The following PSMA1 variants were observed in gnomAD, a reference collection of about 807,000 sequenced individuals.
PSMA1 encodes proteasome subunit alpha type-1.
PSMA1 carries 3 observed loss-of-function variants against 38.4 expected under a neutral mutation model. The ratio of observed to expected loss-of-function variants is 0.08; its 90% confidence interval spans 0.04 to 0.20. The LOEUF is 0.20. PSMA1 is among the 10% of genes least tolerant of loss of function. PSMA1 has a pLI of 1.00. For missense variants in PSMA1, 227 were observed against 325.3 expected, an observed-to-expected ratio of 0.70 and a Z score of 2.32; for synonymous variants, 101 against 107.1, an observed-to-expected ratio of 0.94 and a Z score of 0.35.
upstream of PSMA1, among the ~76,000 whole-genome samples, chr11:14,520,925 T>C (rs1208269078): frequency 6.6e-6 from 1 of 152,256 alleles, no homozygotes; most frequent in Non-Finnish European, 1.5e-5. Context: ...CTGGAGATGT[T>C]ATCTTTCAAG....
intron 1 of PSMA1, among the ~76,000 whole-genome samples, chr11:14,623,219 C>G (rs1004174559): frequency 1.3e-5 from 2 of 152,216 alleles, no homozygotes; most frequent in Non-Finnish European, 2.9e-5. Flanking sequence ...CCTTCCCTAG[C>G]TTGTTCCTAT....
chr11:14,581,002 A>C (rs1342052016), intron 2 of PSMA1, among the ~76,000 whole-genome samples: 2 of 152,208 alleles, frequency 1.3e-5, no homozygotes, highest in African/African-American at 4.8e-5. Context: ...TGTCATACTG[A>C]CACCAGGGAG....
At chr11:14,568,137 A>G (rs896462685) in intron 2 of PSMA1, among the ~76,000 whole-genome samples, 1 of 152,234 alleles carries the variant, frequency 6.6e-6, no homozygotes, top group African/African-American at 2.4e-5. Flanking sequence ...TAGAATATTA[A>G]CTACCATAAA....
chr11:14,642,566 T>C (rs963871735), intron 1 of PSMA1, among the ~76,000 whole-genome samples: 2 of 152,198 alleles, frequency 1.3e-5, no homozygotes, highest in Non-Finnish European at 2.9e-5. Flanking sequence ...CAGAGATTAA[T>C]TGGTGAAAAA....
intron 1 of PSMA1, among the ~76,000 whole-genome samples, chr11:14,632,393 C>T (rs1451849900): frequency 6.9e-6 from 1 of 145,778 alleles, no homozygotes; most frequent in Non-Finnish European, 1.5e-5. Context: ...ATTTGCTTGT[C>T]TGTAAAGTAT....
chr11:14,564,586 A>G (rs941034814), intron 2 of PSMA1, among the ~76,000 whole-genome samples: 1 of 152,126 alleles, frequency 6.6e-6, no homozygotes, highest in Non-Finnish European at 1.5e-5. Flanking sequence ...GTTGTATGGT[A>G]GTCACATGTT....
At chr11:14,531,905 T>C (rs1280196269) in intron 2 of PSMA1, among the ~76,000 whole-genome samples, 1 of 152,176 alleles carries the variant, frequency 6.6e-6, no homozygotes, top group Non-Finnish European at 1.5e-5. Flanking sequence ...GAAAGAGATA[T>C]CAGATTATGT....
chr11:14,619,291 T>TA (rs201107599), intron 1 of PSMA1, among the ~76,000 whole-genome samples: 1,603 of 151,714 alleles, frequency 0.011, 16 homozygotes, highest in Admixed American at 0.015. Flanking sequence ...TCTACAAAAA[T>TA]AAAAAAAATT....
At chr11:14,620,147 G>C (rs1184910629) in intron 1 of PSMA1, among the ~76,000 whole-genome samples, 1 of 152,022 alleles carries the variant, frequency 6.6e-6, no homozygotes, top group Non-Finnish European at 1.5e-5. Flanking sequence ...CTCTACCTGA[G>C]TTCTTTTTAA....
intron 1 of PSMA1, among the ~76,000 whole-genome samples, chr11:14,631,531 T>A (rs569414198): frequency 6.6e-6 from 1 of 152,114 alleles, no homozygotes; most frequent in Admixed American, 6.6e-5. Context: ...GTCTGAGAGA[T>A]AGTTTGCTAT....
intron 1 of PSMA1, among the ~76,000 whole-genome samples, chr11:14,624,434 G>A (rs972969919): frequency 2.6e-5 from 4 of 152,130 alleles, no homozygotes; most frequent in Non-Finnish European, 2.9e-5. Flanking sequence ...AATGGCCATC[G>A]ATGGGTGTAA....
chr11:14,600,258 G>A (rs2134193391), intron 2 of PSMA1, among the ~76,000 whole-genome samples: 1 of 152,328 alleles, frequency 6.6e-6, no homozygotes, highest in South Asian at 2.1e-4. Flanking sequence ...GCTATGCTGG[G>A]AGAACCACTG....
upstream of PSMA1, chr11:14,520,718 G>C (rs989571658): frequency 8.6e-6 from 2 of 233,202 alleles, no homozygotes. Flanking sequence ...ACCGTCCACA[G>C]ATTTGGGGTG....
chr11:14,623,482 G>T (rs1355998846), intron 1 of PSMA1, among the ~76,000 whole-genome samples: 1 of 152,206 alleles, frequency 6.6e-6, no homozygotes, highest in Non-Finnish European at 1.5e-5. Context: ...TTGGGAAATA[G>T]CCAATGTCCT....
chr11:14,576,260 C>T (rs1283559218), intron 2 of PSMA1, among the ~76,000 whole-genome samples: 6 of 152,290 alleles, frequency 3.9e-5, no homozygotes, highest in Admixed American at 3.9e-4. Context: ...GTTTCTTTTG[C>T]TGTGCAGAAG....
At chr11:14,600,978 A>G (rs1852573992) in intron 2 of PSMA1, among the ~76,000 whole-genome samples, 1 of 152,110 alleles carries the variant, frequency 6.6e-6, no homozygotes, top group Admixed American at 6.6e-5. Context: ...TTTTTTTAAA[A>G]CCAAATATCT....
At chr11:14,536,927 T>G (rs889854022) in intron 2 of PSMA1, among the ~76,000 whole-genome samples, 1 of 152,226 alleles carries the variant, frequency 6.6e-6, no homozygotes, top group African/African-American at 2.4e-5. Flanking sequence ...AGGCAACATT[T>G]TTTCGTGTCA....
chr11:14,513,954 T>C (rs1480263633), intron 5 of PSMA1, 67 bp from the exon 6 acceptor site: 14 of 1,480,372 alleles, frequency 9.5e-6, no homozygotes, highest in Non-Finnish European at 1.3e-5. Flanking sequence ...AAATTATACA[T>C]TATTAACAAA....
chr11:14,544,671 G>A (rs1233743816), intron 2 of PSMA1, among the ~76,000 whole-genome samples: 2 of 152,122 alleles, frequency 1.3e-5, no homozygotes, highest in East Asian at 1.9e-4. Flanking sequence ...AAAAAGATAC[G>A]TAATCACAGG....
Sources: gnomAD v4.1 joint callset for allele counts (sites outside exome capture counted in the v4.1 genomes callset) on GRCh38, gnomAD v4.1.1 for gene constraint, MANE v1.5 for transcripts, NCBI Gene and HGNC (gene_info 2026-07-23, HGNC 2026-07-21) for gene names.